The following TSHZ3 variants were observed in gnomAD, a reference collection of about 807,000 sequenced individuals.
The protein encoded by TSHZ3 is teashirt zinc finger homeobox 3.
In TSHZ3, 10 loss-of-function variants were observed where a neutral mutation model predicts 64.5. That is an observed-to-expected ratio of 0.16 (90% CI 0.10 to 0.26). The LOEUF is 0.26. Ranked by LOEUF, TSHZ3 falls within the 10% of genes least tolerant of loss-of-function variation. The pLI, the probability that TSHZ3 is intolerant of heterozygous loss-of-function variation, is 1.00. For missense variants in TSHZ3, 1,242 were observed against 1,421.7 expected, an observed-to-expected ratio of 0.87 and a Z score of 2.03; for synonymous variants, 608 against 593.1, an observed-to-expected ratio of 1.03 and a Z score of -0.36.
intron 1 of TSHZ3, among the ~76,000 whole-genome samples, chr19:31,267,481 G>T (rs573284869): frequency 1.3e-5 from 2 of 151,824 alleles, no homozygotes; most frequent in African/African-American, 4.8e-5. Flanking sequence ...TCCCCTACCC[G>T]TGTCCCCAGA....
chr19:31,301,234 G>A (rs1976751727), intron 1 of TSHZ3, among the ~76,000 whole-genome samples: 1 of 151,932 alleles, frequency 6.6e-6, no homozygotes, highest in Non-Finnish European at 1.5e-5. Context: ...CTCAGAGATG[G>A]GGCATCCCCA....
chr19:31,316,593 C>G (rs1020869704), intron 1 of TSHZ3, among the ~76,000 whole-genome samples: 1 of 152,118 alleles, frequency 6.6e-6, no homozygotes, highest in Admixed American at 6.5e-5. Context: ...GTGCTATTTG[C>G]GGCAGCCGCT....
chr19:31,194,089 T>G (rs1203981766), intron 5 of TSHZ3, among the ~76,000 whole-genome samples: 2 of 152,110 alleles, frequency 1.3e-5, no homozygotes, highest in Non-Finnish European at 2.9e-5. Flanking sequence ...AGATAGAAAT[T>G]CATGAGCAGA....
At chr19:31,245,992 A>C (rs1975753505) in intron 1 of TSHZ3, among the ~76,000 whole-genome samples, 1 of 152,244 alleles carries the variant, frequency 6.6e-6, no homozygotes, top group Non-Finnish European at 1.5e-5. Flanking sequence ...TAAGTACTAC[A>C]TGATATTCCA....
At chr19:31,164,121 C>T (rs1438858738) in intron 5 of TSHZ3, among the ~76,000 whole-genome samples, 1 of 152,046 alleles carries the variant, frequency 6.6e-6, no homozygotes, top group Admixed American at 6.6e-5. Context: ...TGGTCAGGGA[C>T]AGCCAGAGGT....
chr19:31,200,595 G>GA (rs1321777242), intron 5 of TSHZ3, among the ~76,000 whole-genome samples: 1 of 152,148 alleles, frequency 6.6e-6, no homozygotes, highest in East Asian at 1.9e-4. Flanking sequence ...GCGAACAGAC[G>GA]AAGCACAAAG....
At chr19:31,187,627 G>A (rs1163764014) in intron 5 of TSHZ3, among the ~76,000 whole-genome samples, 5 of 152,006 alleles carry the variant, frequency 3.3e-5, no homozygotes, top group African/African-American at 9.7e-5. Context: ...TTAGTGTTAG[G>A]TAGGGTTTAG....
At chr19:31,338,698 G>C (rs1330552681) in intron 1 of TSHZ3, among the ~76,000 whole-genome samples, 1 of 151,516 alleles carries the variant, frequency 6.6e-6, no homozygotes, top group Non-Finnish European at 1.5e-5. Flanking sequence ...GCTTCTGTGG[G>C]GGAAGAAAAA....
chr19:31,338,932 A>G (rs1485259622), intron 1 of TSHZ3, among the ~76,000 whole-genome samples: 1 of 151,762 alleles, frequency 6.6e-6, no homozygotes, highest in Non-Finnish European at 1.5e-5. Context: ...AGGCCAATCG[A>G]TAGAAACACA....
intron 1 of TSHZ3, among the ~76,000 whole-genome samples, chr19:31,283,299 C>T (rs1456583587): frequency 2.0e-5 from 3 of 152,190 alleles, no homozygotes; most frequent in African/African-American, 7.2e-5. Context: ...CACCACTGCA[C>T]TCTAGCCTGG....
intron 1 of TSHZ3, among the ~76,000 whole-genome samples, chr19:31,299,867 C>T (rs932557448): frequency 7.9e-5 from 12 of 152,168 alleles, no homozygotes; most frequent in East Asian, 1.9e-4. Context: ...ACTGTATCAT[C>T]GCCACTGTGA....
chr19:31,350,222 G>C (rs2021675528), upstream of TSHZ3, among the ~76,000 whole-genome samples: 1 of 150,628 alleles, frequency 6.6e-6, no homozygotes, highest in Non-Finnish European at 1.5e-5. Flanking sequence ...AGGCGGGCGC[G>C]GGCCGGGGCG....
chr19:31,194,549 C>T (rs1246409746), intron 5 of TSHZ3, among the ~76,000 whole-genome samples: 2 of 152,160 alleles, frequency 1.3e-5, no homozygotes, highest in African/African-American at 2.4e-5. Context: ...AGCAGAGGCT[C>T]ATTAGAAGAC....
chr19:31,338,218 T>C (rs1011580667), intron 1 of TSHZ3, among the ~76,000 whole-genome samples: 2 of 152,206 alleles, frequency 1.3e-5, no homozygotes, highest in Non-Finnish European at 2.9e-5. Flanking sequence ...GCTGTGTCAG[T>C]GAACCAGGCT....
chr19:31,197,466 G>A (rs919434378), intron 5 of TSHZ3, among the ~76,000 whole-genome samples: 2 of 150,134 alleles, frequency 1.3e-5, no homozygotes, highest in South Asian at 2.1e-4. Flanking sequence ...AATTAGAAGA[G>A]AAATCAATGA....
At chr19:31,303,815 A>G (rs945600766) in intron 1 of TSHZ3, among the ~76,000 whole-genome samples, 1 of 152,170 alleles carries the variant, frequency 6.6e-6, no homozygotes, top group Non-Finnish European at 1.5e-5. Context: ...TCTCAGAAAG[A>G]CGGATTTTTT....
chr19:31,202,175 A>C (rs1975097485), intron 5 of TSHZ3, among the ~76,000 whole-genome samples: 1 of 152,160 alleles, frequency 6.6e-6, no homozygotes, highest in South Asian at 2.1e-4. Context: ...AAAAATAAAA[A>C]AAAAAGTCAT....
chr19:31,268,038 G>A (rs757139742), intron 1 of TSHZ3, among the ~76,000 whole-genome samples: 9 of 152,092 alleles, frequency 5.9e-5, no homozygotes, highest in African/African-American at 2.2e-4. Context: ...GAATCATGGG[G>A]GTGGGTCTTT....
In TSHZ3 at chr19:31,329,858, G is replaced by A. The variant is rs541544561; in HGVS notation, c.40+19322C>T. ...TAATTCTATCTTCAGTCCCATCAGCGTTGGGTCAACTAAGAGCAAGGATCA... is the reference window on the plus strand; with the variant it reads ...TAATTCTATCTTCAGTCCCATCAGCATTGGGTCAACTAAGAGCAAGGATCA... On this transcript the variant is annotated intron_variant, in intron 1 of 1. Coordinates refer to ENST00000240587, the MANE Select transcript of TSHZ3 (RefSeq NM_020856.4). Among the ~76,000 whole-genome samples, 90 of 152,212 alleles carry A rather than the reference G, an allele frequency of 5.9e-4. 1 individual carries two copies. The highest frequency in any genetic ancestry group is 1.9e-3 in the African/African-American group (78 of 41,516).
Sources: allele counts gnomAD v4.1 joint callset (sites outside exome capture counted in the v4.1 genomes callset), GRCh38; gene constraint gnomAD v4.1.1; transcripts MANE v1.5; gene names NCBI Gene and HGNC (gene_info 2026-07-23, HGNC 2026-07-21).